The following SGCD variants were observed in gnomAD, a reference collection of about 807,000 sequenced individuals.
SGCD encodes the protein delta-sarcoglycan.
In SGCD, 18 loss-of-function variants were observed where a neutral mutation model predicts 36.6. The ratio of observed to expected loss-of-function variants is 0.49; its 90% CI spans 0.34 to 0.73. SGCD has a LOEUF of 0.73. SGCD is among the 30% of genes least tolerant of loss of function. The pLI is 0.01. For synonymous variants in SGCD, 133 were observed against 130.6 expected (o/e 1.02, Z -0.12); for missense variants, 387 against 346.7 (o/e 1.12, Z -0.92).
At chr5:156,472,441 C>G (rs757319832) in intron 3 of SGCD, among the ~76,000 whole-genome samples, 1 of 151,888 alleles carries the variant, frequency 6.6e-6, no homozygotes, top group Non-Finnish European at 1.5e-5. Context: ...TTTTCGAGGC[C>G]GAGTCTCACT....
chr5:156,578,111 T>A (rs1581197112), intron 4 of SGCD, among the ~76,000 whole-genome samples: 1 of 152,000 alleles, frequency 6.6e-6, no homozygotes, highest in African/African-American at 2.4e-5. Flanking sequence ...TTATTGAGAG[T>A]TTTTAGCATG....
chr5:156,495,368 A>C lies in SGCD; in HGVS notation c.193-13233A>C, dbSNP rs182753355. ...GACAGCGCTAGTGCCAGGTGTACGC[A>C]TACTAGCTTTCATATTTCTGAACTT... is the stretch of plus-strand genomic sequence containing the variant. On this transcript the variant is annotated intron_variant, in intron 3 of 8. Coordinates refer to ENST00000337851, the MANE Select transcript of SGCD (RefSeq NM_000337.6). Among the ~76,000 whole-genome samples the C allele has an allele frequency of 7.2e-5, 11 of 152,294 alleles. No individual in the cohort carries two copies. The East Asian group carries it at 2.1e-3, about 29-fold the overall frequency.
At chr5:155,930,290 G>A (rs1757075291) in intron 1 of SGCD, among the ~76,000 whole-genome samples, 1 of 152,160 alleles carries the variant, frequency 6.6e-6, no homozygotes, top group South Asian at 2.1e-4. Flanking sequence ...CTTAGTCAGT[G>A]GGGTGTGCTT....
intron 4 of SGCD, among the ~76,000 whole-genome samples, chr5:156,563,294 T>G (rs1418099228): frequency 1.3e-5 from 2 of 152,164 alleles, no homozygotes; most frequent in African/African-American, 4.8e-5. Flanking sequence ...CAGACCATTA[T>G]TAACACTCTT....
intron 3 of SGCD, among the ~76,000 whole-genome samples, chr5:156,407,518 C>T (rs986442654): frequency 2.6e-5 from 4 of 152,048 alleles, no homozygotes; most frequent in Admixed American, 1.3e-4. Context: ...AAATGTTGAA[C>T]AAACTTGAGC....
At chr5:156,429,265 C>CTTTTTTTTTTTTTTTTTTT (rs3074973) in intron 3 of SGCD, among the ~76,000 whole-genome samples, 3 of 123,798 alleles carry the variant, frequency 2.4e-5, no homozygotes, top group Non-Finnish European at 3.5e-5. Context: ...CCCTCATTGT[C>CTTTTTTTTTTTTTTTTTTT]TTTTTTTTTT....
chr5:156,288,512 G>A (rs1211347597), intron 3 of SGCD, among the ~76,000 whole-genome samples: 2 of 152,082 alleles, frequency 1.3e-5, no homozygotes, highest in East Asian at 3.9e-4. Context: ...GTCGTGTTCA[G>A]TGTTTGTCCA....
chr5:156,302,722 T>G (rs748725225), intron 3 of SGCD, among the ~76,000 whole-genome samples: 8 of 152,232 alleles, frequency 5.3e-5, no homozygotes, highest in Non-Finnish European at 8.8e-5. Flanking sequence ...GCACTGAAGC[T>G]GGCTTGTAGA....
intron 3 of SGCD, among the ~76,000 whole-genome samples, chr5:156,459,235 C>T (rs1219786538): frequency 6.6e-6 from 1 of 152,142 alleles, no homozygotes; most frequent in Non-Finnish European, 1.5e-5. Context: ...ATTCTGAGTG[C>T]TGAGACAGAT....
chr5:156,437,904 A>G (rs1044098156), intron 3 of SGCD, among the ~76,000 whole-genome samples: 2 of 152,214 alleles, frequency 1.3e-5, no homozygotes, highest in Admixed American at 6.6e-5. Context: ...AGCATTTCAG[A>G]TCATTTCCAG....
At chr5:155,812,098 G>C in the SGCD span, among the ~76,000 whole-genome samples, 43 of 152,200 alleles carry the variant, frequency 2.8e-4, no homozygotes, top group Non-Finnish European at 1.3e-4. Flanking sequence ...AACAGGACGT[G>C]AAGCTAGACA....
chr5:155,998,298 A>G (rs774519964), intron 1 of SGCD, among the ~76,000 whole-genome samples: 14 of 152,186 alleles, frequency 9.2e-5, no homozygotes, highest in Non-Finnish European at 1.3e-4. Flanking sequence ...ATCTGGTATG[A>G]CACATCTTGC....
At chr5:156,198,604 A>T (rs1026108464) in intron 3 of SGCD, among the ~76,000 whole-genome samples, 5 of 152,140 alleles carry the variant, frequency 3.3e-5, no homozygotes, top group African/African-American at 9.7e-5. Flanking sequence ...ACTCTTAAAA[A>T]TGGCTCTGTG....
chr5:156,668,212 G>A (rs1249327034), intron 7 of SGCD, among the ~76,000 whole-genome samples: 3 of 152,130 alleles, frequency 2.0e-5, no homozygotes, highest in African/African-American at 4.8e-5. Flanking sequence ...TTGATTTTAA[G>A]GTCATCCTGT....
chr5:156,382,785 A>G (rs1424860409), intron 3 of SGCD, among the ~76,000 whole-genome samples: 1 of 152,192 alleles, frequency 6.6e-6, no homozygotes, highest in Non-Finnish European at 1.5e-5. Flanking sequence ...GGTGATTTAC[A>G]TAAGAGACTT....
intron 3 of SGCD, among the ~76,000 whole-genome samples, chr5:156,424,254 TCTTA>T (rs1236157622): frequency 6.6e-6 from 1 of 152,026 alleles, no homozygotes; most frequent in Admixed American, 6.6e-5. Flanking sequence ...TCTGATTTCT[TCTTA>T]CTCTTTTTAC....
At chr5:156,144,521 C>A (rs1447100733) in intron 3 of SGCD, among the ~76,000 whole-genome samples, 1 of 152,166 alleles carries the variant, frequency 6.6e-6, no homozygotes, top group Non-Finnish European at 1.5e-5. Context: ...TGTCTTTTGG[C>A]TGCATAAATG....
chr5:156,260,082 A>G (rs547320906), intron 3 of SGCD, among the ~76,000 whole-genome samples: 15 of 152,164 alleles, frequency 9.9e-5, no homozygotes, highest in African/African-American at 3.4e-4. Context: ...TTCTATTTCT[A>G]TTGGTTACCT....
At chr5:156,251,913 C>T (rs922604823) in intron 3 of SGCD, among the ~76,000 whole-genome samples, 4 of 152,094 alleles carry the variant, frequency 2.6e-5, no homozygotes, top group Admixed American at 2.0e-4. Flanking sequence ...TAACCTTGGA[C>T]CATAGTTTAC....
Sources: gnomAD v4.1 joint callset for allele counts (sites outside exome capture counted in the v4.1 genomes callset) on GRCh38, gnomAD v4.1.1 for gene constraint, MANE v1.5 for transcripts, NCBI Gene and HGNC (gene_info 2026-07-23, HGNC 2026-07-21) for gene names.